CACNA1G: variants seen among roughly 807,000 people sequenced by gnomAD.
The protein encoded by CACNA1G is calcium voltage-gated channel subunit alpha1 G.
A neutral mutation model predicts 219.4 loss-of-function variants in CACNA1G; 67 were observed. The observed-to-expected ratio is 0.31, with a 90% CI of 0.25 to 0.37. The LOEUF (loss-of-function observed/expected upper bound fraction) is 0.37. Among genes scored for constraint, CACNA1G ranks in the 10% least tolerant of loss-of-function variants. The probability of loss-of-function intolerance (pLI) is 1.00; values close to 1 mark genes in which losing one functional copy is unlikely to be tolerated. For synonymous variants in CACNA1G, 1,296 were observed against 1,345.3 expected, an observed-to-expected ratio of 0.96 and a Z score of 0.80; for missense variants, 2,380 against 3,231.4, an observed-to-expected ratio of 0.74 and a Z score of 6.39.
chr17:50,573,933 A>C (rs1200663313), intron 7 of CACNA1G, among the ~76,000 whole-genome samples: 1 of 152,158 alleles, frequency 6.6e-6, no homozygotes, highest in African/African-American at 2.4e-5. Context: ...GATCCTCTCC[A>C]TTTTACAGAT....
At chr17:50,577,400 G>C (rs538697624) in intron 8 of CACNA1G, among the ~76,000 whole-genome samples, 3 of 150,792 alleles carry the variant, frequency 2.0e-5, no homozygotes, top group Admixed American at 2.0e-4. Context: ...TGGATTTAAA[G>C]GGACATTGAT....
Position 50,617,289 on chromosome 17 carries a change from A to T in CACNA1G, c.5022-149A>T. 1 of 815,018 alleles carries T rather than the reference A, an allele frequency of 1.2e-6. No homozygotes were observed. Among genetic ancestry groups the T allele is most frequent in the Non-Finnish European group, 1.9e-6 (1 of 533,400 alleles). 50.5% of individuals were successfully genotyped at this position (815,018 alleles called of 1,614,324 possible). ...TGCCACCAGTTGGCTGTGTGGCCTT[A>T]GATAAGCCACGCCTCTTCTCTGTGG... On this transcript the variant is annotated intron_variant, in intron 28 of 37. Coordinates refer to ENST00000359106, the MANE Select transcript of CACNA1G (RefSeq NM_018896.5). This position sits in a 1 kb window ranked among gnomAD's most constrained non-coding sequence, Gnocchi z 5.8.
At position 50,626,539 on chromosome 17, in the gene CACNA1G, C is replaced by A; in HGVS notation, c.6922C>A (p.Pro2308Thr). The change falls in exon 38 of 38, where the codon CCG becomes ACG. Residue 2308 changes from proline (P) to threonine (T), a missense_variant. Physicochemically the swap from Pro to Thr is conservative, Grantham distance 38. Around this residue, in one of 17 missense-constraint regions of CACNA1G, gnomAD observed 672 missense variants for 670.5 expected, o/e 1.00. Transcript: ENST00000359106. The surrounding 1 kb of genome is among the most constrained non-coding windows in gnomAD (Gnocchi z 4.3). The stretch of plus-strand genomic sequence containing the variant: ...GAGCCGGCCCAAGAAAAAACTCAGC[C>A]CGCCTAGTATCACCATAGACCCCCC... Reference protein sequence around the residue: ...PGSRPKKKLSPPSITIDPPES... With the variant: ...PGSRPKKKLSTPSITIDPPES... 1 of 1,575,190 alleles carries A rather than the reference C, an allele frequency of 6.3e-7. No individual in the cohort carries two copies.
At chr17:50,590,732 G>A (rs942190041) in intron 10 of CACNA1G, 110 bp downstream of exon 10, 7 of 981,836 alleles carry the variant, frequency 7.1e-6, no homozygotes, top group Non-Finnish European at 1.1e-5. Context: ...CTGGAGTCAG[G>A]CCCCACTGAC....
chr17:50,572,183 A>C lies in CACNA1G; in HGVS notation c.746+146A>C, dbSNP rs2039586813. On this transcript the variant is annotated intron_variant, in intron 5 of 37. Transcript: ENST00000359106. ...TTCTCAAACTTGGCTACCCATTGGA[A>C]CCACCTGGGGAGTTTTAAAAAGTAC... 12 of 926,038 alleles carry C rather than the reference A, an allele frequency of 1.3e-5. No individual in the cohort carries two copies. The South Asian group carries it at 2.0e-4, about 16-fold the overall frequency. 57.4% of individuals were successfully genotyped at this position (926,038 alleles called of 1,614,324 possible). A position where few individuals can be genotyped will look rare whatever the true frequency, so the allele number is the denominator to read the frequency against.
chr17:50,578,691 G>A lies in CACNA1G; in HGVS notation c.2301+127G>A. On this transcript the variant is annotated intron_variant, in intron 9 of 37. Coordinates refer to ENST00000359106, the MANE Select transcript of CACNA1G (RefSeq NM_018896.5). The surrounding 1 kb of genome is among the most constrained non-coding windows in gnomAD (Gnocchi z 4.5). ...CTCCATGCTGCTAGCCCACCTGGCAGGTAGGAGGGGAGGTGGGTGATGGAG... is the reference window on the plus strand; with the variant it reads ...CTCCATGCTGCTAGCCCACCTGGCAAGTAGGAGGGGAGGTGGGTGATGGAG... 1 of 919,970 alleles carries A rather than the reference G, an allele frequency of 1.1e-6. No homozygotes were observed. The highest frequency in any genetic ancestry group is 1.6e-6 in the Non-Finnish European group (1 of 632,320). 57.0% of individuals were successfully genotyped at this position (919,970 alleles called of 1,614,324 possible).
At chr17:50,581,282 G>C (rs961708105) in intron 9 of CACNA1G, among the ~76,000 whole-genome samples, 1 of 151,896 alleles carries the variant, frequency 6.6e-6, no homozygotes, top group African/African-American at 2.4e-5. Context: ...CAGAGACGGG[G>C]TGGGATGGGG....
At chr17:50,563,026 C>A (rs2036364366) in intron 1 of CACNA1G, among the ~76,000 whole-genome samples, 1 of 152,202 alleles carries the variant, frequency 6.6e-6, no homozygotes. Context: ...TTCTTATAGA[C>A]CCAGGGTGGG....
Position 50,600,482 on chromosome 17 carries a change from A to G in CACNA1G, c.3691-244A>G, listed in dbSNP as rs927026820. Among the ~76,000 whole-genome samples, 1 of 149,604 alleles carries G rather than the reference A, an allele frequency of 6.7e-6. No homozygotes were observed. The highest frequency in any genetic ancestry group is 2.5e-5 in the African/African-American group (1 of 40,516). Reference sequence around the variant, plus strand: ...GGGAGAGGGGAGAGCGGGGTTGGGGATGCAGGGGAGGAGAGGGAGGAGGTG... The same window carrying G: ...GGGAGAGGGGAGAGCGGGGTTGGGGGTGCAGGGGAGGAGAGGGAGGAGGTG... On this transcript the variant is annotated intron_variant, in intron 17 of 37. Coordinates refer to ENST00000359106, the MANE Select transcript of CACNA1G (RefSeq NM_018896.5). The surrounding 1 kb of genome is among the most constrained non-coding windows in gnomAD (Gnocchi z 4.1).
chr17:50,582,639 A>G (rs1168432182), intron 9 of CACNA1G, among the ~76,000 whole-genome samples: 1 of 151,584 alleles, frequency 6.6e-6, no homozygotes, highest in Admixed American at 6.5e-5. Flanking sequence ...CTCTCCAGGA[A>G]GAGGGGAGTG....
intron 26 of CACNA1G, among the ~76,000 whole-genome samples, chr17:50,613,800 A>T (rs1356319535): frequency 6.6e-6 from 1 of 152,128 alleles, no homozygotes; most frequent in Non-Finnish European, 1.5e-5. Context: ...TGTGGTACTC[A>T]AGGAAGGAAG....
At position 50,578,196 on chromosome 17, in the gene CACNA1G, C is replaced by G. The variant is rs1249636238; in HGVS notation, c.1933C>G (p.Gln645Glu). Residue 645 changes from glutamine (Q) to glutamate (E), a missense_variant, in exon 9 of 38, where the codon CAA becomes GAA. By Grantham distance (29) the Gln-to-Glu change is conservative. Around this residue, in one of 17 missense-constraint regions of CACNA1G, gnomAD observed 434 missense variants for 417.3 expected, o/e 1.04. Transcript: ENST00000359106. This position sits in a 1 kb window ranked among gnomAD's most constrained non-coding sequence, Gnocchi z 4.5. Reference protein sequence around the residue: ...LLETQSTGACQSSCKISSPCL... With the variant: ...LLETQSTGACESSCKISSPCL... ...CTACTCTCCTGTTCCAGGTGCCTGC[C>G]AAAGCTCTTGCAAGATCTCCAGCCC... 2 of 1,574,496 alleles carry G rather than the reference C, an allele frequency of 1.3e-6. No homozygotes were observed.
At chr17:50,612,800 G>A (rs185296401) in intron 26 of CACNA1G, among the ~76,000 whole-genome samples, 2 of 152,326 alleles carry the variant, frequency 1.3e-5, no homozygotes, top group Admixed American at 1.3e-4. Context: ...GTCTGACTCT[G>A]GTATTTTCTC....
intron 34 of CACNA1G, 117 bp downstream of exon 34, chr17:50,619,943 C>A (rs2051410454): frequency 2.8e-6 from 3 of 1,079,950 alleles, no homozygotes; most frequent in Non-Finnish European, 3.9e-6. Flanking sequence ...GTAGAAAGTG[C>A]AGCCTTGGAG....
At chr17:50,579,177 C>T (rs901702920) in intron 9 of CACNA1G, among the ~76,000 whole-genome samples, 2 of 151,952 alleles carry the variant, frequency 1.3e-5, no homozygotes, top group Admixed American at 6.5e-5. Flanking sequence ...GAAGCCATCG[C>T]GTTTGAGGAA....
Position 50,569,091 on chromosome 17 carries a change from G to A in CACNA1G, c.355-74G>A, listed in dbSNP as rs551719471. ...TGCAAGAGGCCCTGACCCAACTGGT[G>A]GGGACTAGGGTGGGACTAGAGGGTA... On this transcript the variant is annotated intron_variant, in intron 2 of 37. Transcript: ENST00000359106. 1.1e-5 allele frequency: 17 copies of A among 1,570,110 alleles called. No homozygotes were observed. The African/African-American group carries it at 2.2e-4, about 20-fold the overall frequency.
At position 50,617,850 on chromosome 17, in the gene CACNA1G, G is replaced by A. The variant is rs554818301; in HGVS notation, c.5156-9G>A. 1 of 1,613,224 alleles carries A rather than the reference G, an allele frequency of 6.2e-7. No individual in the cohort carries two copies. The highest frequency in any genetic ancestry group is 1.1e-5 in the South Asian group (1 of 91,052). ...AGAGGCCAGCTCATGACGTTGTCCT[G>A]TTCTGCAGTGCTGAAGCTGCTGAAG... On this transcript the variant is annotated splice_polypyrimidine_tract_variant and intron_variant, in intron 29 of 37. Transcript: ENST00000359106. This position sits in a 1 kb window ranked among gnomAD's most constrained non-coding sequence, Gnocchi z 5.8.
chr17:50,618,942 G>A lies in CACNA1G; in HGVS notation c.5715G>A (p.Lys1905=), dbSNP rs916770129. The change falls in exon 33 of 38, where the codon AAG becomes AAA. Residue 1905 remains lysine (K), a synonymous_variant. Coordinates refer to ENST00000359106, the MANE Select transcript of CACNA1G (RefSeq NM_018896.5). This position sits in a 1 kb window ranked among gnomAD's most constrained non-coding sequence, Gnocchi z 5.3. ...VEGPDSPDSP[K]PGALHPAAHA... ...GCCCCGACAGCCCCGACAGCCCCAA[G>A]CCTGGGGCTCTGCACCCAGCGGCCC... The A allele has an allele frequency of 3.1e-6, 5 of 1,598,664 alleles. No individual in the cohort carries two copies. Among genetic ancestry groups the A allele is most frequent in the African/African-American group, 2.7e-5 (2 of 74,568 alleles).
At position 50,571,483 on chromosome 17, in the gene CACNA1G, G is replaced by A. The variant is rs999271916; in HGVS notation, c.587-395G>A. Among the ~76,000 whole-genome samples the A allele has an allele frequency of 3.3e-5, 5 of 152,152 alleles. No individual in the cohort carries two copies. The highest frequency in any genetic ancestry group is 1.2e-4 in the African/African-American group (5 of 41,422). The stretch of plus-strand genomic sequence containing the variant: ...GAGGGATTCGGAAGCCAAAGCCTGG[G>A]TTCGAGTTCCGGCACCTACACTTAG... On this transcript the variant is annotated intron_variant, in intron 4 of 37. Coordinates refer to ENST00000359106, the MANE Select transcript of CACNA1G (RefSeq NM_018896.5). This position sits in a 1 kb window ranked among gnomAD's most constrained non-coding sequence, Gnocchi z 4.3.
Sources: gnomAD v4.1 joint callset for allele counts (sites outside exome capture counted in the v4.1 genomes callset) on GRCh38, gnomAD v4.1.1 for gene constraint, gnomAD v4.1.1 regional missense constraint, Gnocchi (gnomAD v3.1) non-coding constraint, MANE v1.5 for transcripts, NCBI Gene and HGNC (gene_info 2026-07-23, HGNC 2026-07-21) for gene names.